THSD4: variants seen among roughly 807,000 people sequenced by gnomAD.
THSD4 encodes thrombospondin type-1 domain-containing protein 4.
THSD4 carries 69 observed loss-of-function variants against 119.0 expected under a neutral mutation model. The ratio of observed to expected loss-of-function variants is 0.58; its 90% CI spans 0.48 to 0.71. The LOEUF is 0.71. Ranked by LOEUF, THSD4 falls within the 30% of genes least tolerant of loss-of-function variation. The pLI, the probability that THSD4 is intolerant of heterozygous loss-of-function variation, is 0.00. For missense variants in THSD4, 1,393 were observed against 1,391.1 expected, an observed-to-expected ratio of 1.00 and a Z score of -0.02; for synonymous variants, 524 against 540.4, an observed-to-expected ratio of 0.97 and a Z score of 0.42.
chr15:71,514,676 A>G (rs1170071057), intron 7 of THSD4, among the ~76,000 whole-genome samples: 7 of 152,216 alleles, frequency 4.6e-5, no homozygotes, highest in Non-Finnish European at 8.8e-5. Context: ...AAATATACAT[A>G]AAAGAAGAAA....
intron 6 of THSD4, among the ~76,000 whole-genome samples, chr15:71,314,350 C>G (rs1036493845): frequency 6.6e-6 from 1 of 152,022 alleles, no homozygotes; most frequent in African/African-American, 2.4e-5. Flanking sequence ...CTCTGTCACC[C>G]AGGCTGGAGT....
At chr15:71,373,783 T>C (rs2046092866) in intron 6 of THSD4, among the ~76,000 whole-genome samples, 1 of 152,212 alleles carries the variant, frequency 6.6e-6, no homozygotes, top group African/African-American at 2.4e-5. Context: ...ACTCTGGCTT[T>C]TCATCCTGAA....
intron 7 of THSD4, among the ~76,000 whole-genome samples, chr15:71,434,615 G>A (rs78333862): frequency 0.013 from 1,960 of 152,028 alleles, 38 homozygotes; most frequent in African/African-American, 0.044. Context: ...TTTCCAAAAG[G>A]CCTGTGAAGT....
At position 71,415,444 on chromosome 15, in the gene THSD4, T is replaced by C. The variant is rs137989171; in HGVS notation, c.1152+3621T>C. ...ACATAATATATATTTATAGAGTACA[T>C]GAGATAATTTGATACAGGCAAACAA... On this transcript the variant is annotated intron_variant, in intron 7 of 17. Coordinates refer to ENST00000261862, the MANE Select transcript of THSD4 (RefSeq NM_024817.3). Among the ~76,000 whole-genome samples the C allele has an allele frequency of 5.4e-3, 825 of 152,350 alleles. 7 individuals carry two copies. The highest frequency in any genetic ancestry group is 0.019 in the African/African-American group (781 of 41,592).
chr15:71,258,370 G>T (rs559791222), intron 6 of THSD4, among the ~76,000 whole-genome samples: 2 of 152,200 alleles, frequency 1.3e-5, no homozygotes, highest in East Asian at 3.9e-4. Context: ...GTAGAGGCAG[G>T]GTTTTGCCAT....
At chr15:71,546,381 C>G (rs993130350) in intron 7 of THSD4, among the ~76,000 whole-genome samples, 5 of 152,096 alleles carry the variant, frequency 3.3e-5, no homozygotes, top group African/African-American at 1.2e-4. Flanking sequence ...TCTGCTATTT[C>G]AGGATAACAG....
In THSD4 at chr15:71,497,667, C is replaced by T. The variant is rs573747477; in HGVS notation, c.1152+85844C>T. ...GAGATAAAGTTTAATCTTTTAAGAA[C>T]GACTTTCCCTGTGGAAAAGCATTAC... is the stretch of plus-strand genomic sequence containing the variant. On this transcript the variant is annotated intron_variant, in intron 7 of 17. Transcript: ENST00000261862. 5.3e-4 allele frequency among the ~76,000 whole-genome samples: 80 copies of T among 152,190 alleles called. 2 individuals carry two copies. Among genetic ancestry groups the T allele is most frequent in the East Asian group, 4.2e-3 (22 of 5,180 alleles).
At chr15:71,754,134 T>C (rs1002231685) in intron 14 of THSD4, among the ~76,000 whole-genome samples, 5 of 144,694 alleles carry the variant, frequency 3.5e-5, no homozygotes, top group African/African-American at 1.0e-4. Context: ...CAGGCTAGAG[T>C]ACAGTGGCAT....
intron 7 of THSD4, among the ~76,000 whole-genome samples, chr15:71,511,947 A>G (rs1330291356): frequency 6.6e-6 from 1 of 152,136 alleles, no homozygotes; most frequent in Non-Finnish European, 1.5e-5. Context: ...GGAGGGTGAT[A>G]TACATGAATA....
intron 8 of THSD4, among the ~76,000 whole-genome samples, chr15:71,706,122 T>C (rs2052387590): frequency 6.6e-6 from 1 of 152,168 alleles, no homozygotes; most frequent in African/African-American, 2.4e-5. Context: ...CTTTTTTCTA[T>C]TCAGCACTCT....
chr15:71,633,288 T>G (rs7172380), intron 7 of THSD4, among the ~76,000 whole-genome samples: 32,674 of 140,016 alleles, frequency 0.23, 2,718 homozygotes, highest in East Asian at 0.53. Context: ...TTTTTTTTTT[T>G]TTTTGGAGAC....
intron 8 of THSD4, among the ~76,000 whole-genome samples, chr15:71,713,290 T>C (rs1198921145): frequency 2.0e-5 from 3 of 152,202 alleles, no homozygotes; most frequent in Non-Finnish European, 4.4e-5. Context: ...CTCTGGCCTT[T>C]GGGAACTGCC....
rs199834677 is a variant in THSD4 at position 71,370,588 on chromosome 15, G to A, written c.1016-41099G>A. On this transcript the variant is annotated intron_variant, in intron 6 of 17. Coordinates refer to ENST00000261862, the MANE Select transcript of THSD4 (RefSeq NM_024817.3). ...TTGTTCAGTTTCCATGTAGTTGAGC[G>A]GTTTTGAGTGAGTTTCTTAATCCTG... 1.6e-3 allele frequency among the ~76,000 whole-genome samples: 251 copies of A among 152,240 alleles called. 1 individual carries two copies. Among genetic ancestry groups the A allele is most frequent in the African/African-American group, 5.5e-3 (227 of 41,552 alleles).
chr15:71,287,190 G>A (rs28757589), intron 6 of THSD4, among the ~76,000 whole-genome samples: 27,406 of 152,100 alleles, frequency 0.18, 2,772 homozygotes, highest in African/African-American at 0.27. Context: ...AAATACTTAG[G>A]ATGTAAAAGT....
chr15:71,339,541 C>T (rs1457160563), intron 6 of THSD4, among the ~76,000 whole-genome samples: 1 of 152,094 alleles, frequency 6.6e-6, no homozygotes, highest in African/African-American at 2.4e-5. Context: ...TATTATCGAT[C>T]AGGTATGGGG....
chr15:71,592,659 A>G (rs2049829499), intron 7 of THSD4, among the ~76,000 whole-genome samples: 1 of 151,948 alleles, frequency 6.6e-6, no homozygotes, highest in Admixed American at 6.5e-5. Flanking sequence ...CCCAATCACC[A>G]TTTACAGAAT....
chr15:71,220,710 A>T (rs922772862), intron 4 of THSD4, among the ~76,000 whole-genome samples: 1 of 152,198 alleles, frequency 6.6e-6, no homozygotes, highest in Non-Finnish European at 1.5e-5. Context: ...ACTCAAGTGC[A>T]GCAGAAGGGA....
intron 7 of THSD4, among the ~76,000 whole-genome samples, chr15:71,566,665 G>C (rs967002078): frequency 7.9e-5 from 12 of 152,018 alleles, no homozygotes; most frequent in Admixed American, 2.6e-4. Flanking sequence ...GATATAACTT[G>C]CTCACTAGGC....
At chr15:71,753,304 T>G (rs755741400) in intron 14 of THSD4, among the ~76,000 whole-genome samples, 12 of 152,218 alleles carry the variant, frequency 7.9e-5, no homozygotes, top group Admixed American at 5.2e-4. Context: ...TTTAAGCCCA[T>G]GTGCAATTTT....
Sources: gnomAD v4.1 joint callset for allele counts (sites outside exome capture counted in the v4.1 genomes callset) on GRCh38, gnomAD v4.1.1 for gene constraint, MANE v1.5 for transcripts, NCBI Gene and HGNC (gene_info 2026-07-23, HGNC 2026-07-21) for gene names.